Variants in KIAA1671 observed in about 807,000 individuals in gnomAD.
KIAA1671 encodes the protein uncharacterized protein KIAA1671.
Under a neutral mutation model 131.2 loss-of-function variants are expected in KIAA1671, and 52 were observed. That is an observed-to-expected ratio of 0.40 (90% CI 0.32 to 0.50). KIAA1671 has a LOEUF of 0.50. KIAA1671 is among the 20% of genes least tolerant of loss of function. The probability of loss-of-function intolerance (pLI) is 0.73; values close to 1 mark genes in which losing one functional copy is unlikely to be tolerated. For synonymous variants in KIAA1671, 1,003 were observed against 961.6 expected, an observed-to-expected ratio of 1.04 and a Z score of -0.80; for missense variants, 2,360 against 2,364.2, an observed-to-expected ratio of 1.00 and a Z score of 0.04.
At chr22:25,174,685 C>G (rs1933965177) in intron 8 of KIAA1671, 196 bp downstream of exon 8, 3 of 540,936 alleles carry the variant, frequency 5.5e-6, no homozygotes, top group Non-Finnish European at 6.2e-6. Context: ...GGGCAAATGT[C>G]TTCACCTCTC....
In KIAA1671 at chr22:25,040,517, C is replaced by T; in HGVS notation, c.3387C>T (p.Ala1129=). ...PFNGRIIDVD[A]LWSHRGSEDG... ...ATGGAAGAATCATTGATGTGGATGC[C>T]TTATGGAGTCATCGGGGATCAGAAG... The change falls in exon 5 of 13, where the codon GCC becomes GCT. Residue 1129 remains alanine, a synonymous_variant. Coordinates refer to ENST00000358431, the MANE Select transcript of KIAA1671 (RefSeq NM_001145206.2). 1.3e-6 allele frequency: 2 copies of T among 1,551,842 alleles called. No individual in the cohort carries two copies. The highest frequency in any genetic ancestry group is 8.7e-7 in the Non-Finnish European group (1 of 1,147,038).
At chr22:25,093,737 A>ACACACTCTCTCTCT (rs1568950992) in intron 6 of KIAA1671, among the ~76,000 whole-genome samples, 1 of 30,132 alleles carries the variant, frequency 3.3e-5, no homozygotes, top group East Asian at 7.7e-4. Flanking sequence ...ACACACACAC[A>ACACACTCTCTCTCT]CTCTCTCTCT....
chr22:25,047,560 C>T (rs1927317788), intron 5 of KIAA1671, among the ~76,000 whole-genome samples: 3 of 151,360 alleles, frequency 2.0e-5, no homozygotes, highest in Admixed American at 1.3e-4. Flanking sequence ...GCAATCTCCA[C>T]CTCCTGGGTT....
At position 25,164,284 on chromosome 22, in the gene KIAA1671, C is replaced by T. The variant is rs557395576; in HGVS notation, c.4531-6536C>T. Among the ~76,000 whole-genome samples, 23 of 152,334 alleles carry T rather than the reference C, an allele frequency of 1.5e-4. 1 individual carries two copies. In the East Asian group the frequency reaches 3.7e-3, roughly 24 times the overall value. ...GCCTGGGTTCCAGTCTCCCCAGCTC[C>T]GCTTCCCACTCACCAGGAGAACTAA... On this transcript the variant is annotated intron_variant, in intron 6 of 12. Transcript: ENST00000358431.
In KIAA1671 at chr22:25,170,982, G is replaced by A. The variant is rs1003007790; in HGVS notation, c.4649+44G>A. On this transcript the variant is annotated intron_variant, in intron 7 of 12. Transcript: ENST00000358431. ...GATTCTGGCTGCAAAGGGGGCAGCT[G>A]GGCTGGAGTTGCTGCAGCCCACCCA... The A allele has an allele frequency of 4.7e-6, 7 of 1,494,614 alleles. No individual in the cohort carries two copies. In the African/African-American group the frequency reaches 7.0e-5, roughly 15 times the overall value. 92.6% of individuals were successfully genotyped at this position (1,494,614 alleles called of 1,614,324 possible). A position where few individuals can be genotyped will look rare whatever the true frequency, so the allele number is the denominator to read the frequency against.
rs751758839 is a variant in KIAA1671, at chr22:25,192,744, C to G, written c.*343C>G. 11 of 152,216 alleles carry G rather than the reference C, an allele frequency of 7.2e-5. No homozygotes were observed. The highest frequency in any genetic ancestry group is 1.2e-4 in the African/African-American group (5 of 41,460). The allele number at this position is 152,216 out of a possible 1,614,324, so 9.4% of individuals were successfully genotyped here. ...ACACCTTCATCAGCTCCAAGAACAT[C>G]AGTGTGAGGCTGGAATTGTCTCCCC... On this transcript the variant is annotated 3_prime_UTR_variant, in exon 13 of 13. Coordinates refer to ENST00000358431, the MANE Select transcript of KIAA1671 (RefSeq NM_001145206.2).
At chr22:24,998,018 C>A (rs1174744724) in intron 1 of KIAA1671, among the ~76,000 whole-genome samples, 2 of 152,142 alleles carry the variant, frequency 1.3e-5, no homozygotes, top group Non-Finnish European at 2.9e-5. Context: ...CGTATTTATC[C>A]ATGTTTTCTT....
intron 1 of KIAA1671, among the ~76,000 whole-genome samples, chr22:24,953,577 G>C (rs1214469833): frequency 6.6e-6 from 1 of 151,996 alleles, no homozygotes; most frequent in African/African-American, 2.4e-5. Flanking sequence ...GGCCCGCGTG[G>C]TCCCCGCCCC....
chr22:25,082,524 T>C (rs1929465348), intron 6 of KIAA1671, among the ~76,000 whole-genome samples: 1 of 152,184 alleles, frequency 6.6e-6, no homozygotes, highest in Admixed American at 6.5e-5. Context: ...TGGTCTGAAT[T>C]ATTACAGTTT....
chr22:25,165,663 A>T (rs1178835651), intron 6 of KIAA1671, among the ~76,000 whole-genome samples: 2 of 152,184 alleles, frequency 1.3e-5, no homozygotes, highest in Non-Finnish European at 2.9e-5. Context: ...GATGGCACAG[A>T]TGTAGAGACC....
chr22:25,017,667 G>A (rs9624695), intron 1 of KIAA1671, among the ~76,000 whole-genome samples: 2,410 of 152,302 alleles, frequency 0.016, 39 homozygotes, highest in Middle Eastern at 0.031. Flanking sequence ...TTTTTAAAAA[G>A]TAGGATGATT....
intron 5 of KIAA1671, among the ~76,000 whole-genome samples, chr22:25,041,844 A>G (rs1361359320): frequency 6.6e-6 from 1 of 152,196 alleles, no homozygotes; most frequent in East Asian, 1.9e-4. Context: ...TCCTGGGCTC[A>G]AGCCATCCTC....
chr22:24,970,116 A>C (rs187241890), intron 1 of KIAA1671, among the ~76,000 whole-genome samples: 64 of 152,272 alleles, frequency 4.2e-4, no homozygotes, highest in African/African-American at 1.5e-3. Context: ...GGCATTGTCC[A>C]AGTTAAAGCC....
intron 1 of KIAA1671, among the ~76,000 whole-genome samples, chr22:24,973,402 T>G (rs796549029): frequency 2.4e-4 from 33 of 137,044 alleles, no homozygotes; most frequent in East Asian, 8.4e-4. Flanking sequence ...TTTTTTTTTT[T>G]TTTTTTTTTT....
In KIAA1671 at chr22:25,034,806, C is replaced by T. The variant is rs892431207; in HGVS notation, c.1629+2110C>T. The stretch of plus-strand genomic sequence containing the variant: ...AGGCTGGAGTGCAATGGCGCGATCT[C>T]GGCTCACTGCAAGCTCCGCCTCCTG... On this transcript the variant is annotated intron_variant, in intron 4 of 12. Transcript: ENST00000358431. 4.3e-4 allele frequency among the ~76,000 whole-genome samples: 65 copies of T among 152,132 alleles called. No homozygotes were observed. In the South Asian group the frequency reaches 5.4e-3, roughly 13 times the overall value.
chr22:24,985,371 G>A (rs1320861911), intron 1 of KIAA1671, among the ~76,000 whole-genome samples: 5 of 150,508 alleles, frequency 3.3e-5, no homozygotes, highest in Non-Finnish European at 5.9e-5. Context: ...ACAGAGTCTC[G>A]CTCTGTCACC....
In KIAA1671 at chr22:25,060,645, C is replaced by T. The variant is rs1261723854; in HGVS notation, c.4530+11281C>T. 9 of 152,296 alleles carry T rather than the reference C, an allele frequency of 5.9e-5. No individual in the cohort carries two copies. In the East Asian group the frequency reaches 9.6e-4, roughly 16 times the overall value. 9.4% of individuals were successfully genotyped at this position (152,296 alleles called of 1,614,324 possible). ...CACGGGAAACTGAGGGTTGGCAAAA[C>T]GAACTGACTTGGCCCAGGCTTCGAC... On this transcript the variant is annotated intron_variant, in intron 6 of 12. Coordinates refer to ENST00000358431, the MANE Select transcript of KIAA1671 (RefSeq NM_001145206.2).
chr22:25,177,140 C>G, intron 8 of KIAA1671: 1 of 559,186 alleles, frequency 1.8e-6, no homozygotes, highest in South Asian at 2.6e-5. Context: ...TTCCACCTGA[C>G]TTTTGTCATC....
At chr22:25,000,551 G>A (rs1190290480) in intron 1 of KIAA1671, among the ~76,000 whole-genome samples, 2 of 139,132 alleles carry the variant, frequency 1.4e-5, no homozygotes, top group Non-Finnish European at 3.1e-5. Flanking sequence ...TTTGAGACAC[G>A]TCTGGCCCAG....
Sources: allele counts gnomAD v4.1 joint callset (sites outside exome capture counted in the v4.1 genomes callset), GRCh38; gene constraint gnomAD v4.1.1; transcripts MANE v1.5; gene names NCBI Gene and HGNC (gene_info 2026-07-23, HGNC 2026-07-21).